The following ZFP30 variants were observed in gnomAD, a reference collection of about 807,000 sequenced individuals.
ZFP30 encodes the protein ZFP30 zinc finger protein.
In ZFP30, 16 loss-of-function variants were observed where a neutral mutation model predicts 12.3. The ratio of observed to expected loss-of-function variants is 1.30; its 90% confidence interval spans 0.88 to 1.98. ZFP30 has a LOEUF of 1.98. ZFP30 is among the 30% of genes most tolerant of loss of function. ZFP30 has a pLI of 0.00. For synonymous variants in ZFP30, 172 were observed against 201.0 expected (o/e 0.86, Z 1.22); for missense variants, 560 against 611.2 (o/e 0.92, Z 0.88).
Position 37,635,832 on chromosome 19 carries a change from T to C in ZFP30, c.709A>G (p.Ile237Val), listed in dbSNP as rs2044312737. The C allele has an allele frequency of 6.2e-7, 1 of 1,614,216 alleles. No homozygotes were observed. Among genetic ancestry groups the C allele is most frequent in the Non-Finnish European group, 8.5e-7 (1 of 1,180,044 alleles). Reference protein sequence around the residue: ...SDLRVHQRIHIGEKPYECKEC... With the variant: ...SDLRVHQRIHVGEKPYECKEC... ...TTACATTCATACGGCTTCTCACCAA[T>C]ATGAATTCTCTGATGTACTCGAAGG... Residue 237 changes from isoleucine to valine, a missense_variant, in exon 6 of 6, where the codon ATT becomes GTT. By Grantham distance (29) the Ile-to-Val change is conservative (BLOSUM62 3). Transcript: ENST00000684514.
chr19:37,637,614 C>A (rs2044356419), intron 5 of ZFP30, among the ~76,000 whole-genome samples: 1 of 152,078 alleles, frequency 6.6e-6, no homozygotes, highest in African/African-American at 2.4e-5. Flanking sequence ...CTCAGCCTCC[C>A]AAGTAACTGG....
chr19:37,643,052 CAAAAAAAAAAAAA>C (rs951396776), intron 5 of ZFP30, among the ~76,000 whole-genome samples, 200 bp downstream of exon 5: 3 of 61,440 alleles, frequency 4.9e-5, no homozygotes, highest in African/African-American at 2.0e-4. Flanking sequence ...GACTCCGTCT[CAAAAAAAAAAAAA>C]AAAAAAGAAA....
At chr19:37,655,992 C>T (rs1214091362), upstream of ZFP30, 18 of 152,464 alleles carry the variant, frequency 1.2e-4, no homozygotes, top group Admixed American at 1.2e-3. Context: ...GTGTTCAAAT[C>T]TAGGCCTGTA....
chr19:37,637,158 T>A (rs942415829), intron 5 of ZFP30, among the ~76,000 whole-genome samples: 4 of 152,072 alleles, frequency 2.6e-5, no homozygotes, highest in African/African-American at 9.6e-5. Flanking sequence ...GTAATATATA[T>A]CCTTTGTTTT....
intron 5 of ZFP30, among the ~76,000 whole-genome samples, chr19:37,641,497 A>C (rs1336433028): frequency 6.6e-6 from 1 of 152,210 alleles, no homozygotes; most frequent in Non-Finnish European, 1.5e-5. Flanking sequence ...ACAGAACGGC[A>C]TAATAATATC....
intron 2 of ZFP30, among the ~76,000 whole-genome samples, 194 bp downstream of exon 2, chr19:37,654,518 C>A (rs562762803): frequency 6.6e-6 from 1 of 152,120 alleles, no homozygotes. Flanking sequence ...GTTAACTAAC[C>A]ATGTGTCTAA....
intron 2 of ZFP30, among the ~76,000 whole-genome samples, chr19:37,651,047 AT>A (rs2044640267): frequency 6.6e-6 from 1 of 151,934 alleles, no homozygotes; most frequent in Admixed American, 6.6e-5. Context: ...CAGCCTCAAT[AT>A]GGTTTTATTC....
chr19:37,647,721 C>G (rs2044570563), intron 3 of ZFP30, 93 bp downstream of exon 3: 14 of 1,509,542 alleles, frequency 9.3e-6, no homozygotes, highest in Non-Finnish European at 1.3e-5. Context: ...TTGAATGGGG[C>G]TCTGTTAGAA....
chr19:37,637,653 C>T lies in ZFP30; in HGVS notation c.236-1348G>A, dbSNP rs549723671. Among the ~76,000 whole-genome samples, 7 of 152,132 alleles carry T rather than the reference C, an allele frequency of 4.6e-5. No homozygotes were observed. The South Asian group carries it at 6.2e-4, about 14-fold the overall frequency. On this transcript the variant is annotated intron_variant, in intron 5 of 5. Transcript: ENST00000684514. ...TACAAGTGCCCGCCACCACACCTGGCTAATTTTTGTATTTTTAGTAGAGAC... is the reference window on the plus strand; with the variant it reads ...TACAAGTGCCCGCCACCACACCTGGTTAATTTTTGTATTTTTAGTAGAGAC...
At chr19:37,640,307 A>G (rs2044409077) in intron 5 of ZFP30, among the ~76,000 whole-genome samples, 1 of 152,040 alleles carries the variant, frequency 6.6e-6, no homozygotes, top group Non-Finnish European at 1.5e-5. Context: ...TGGGCCAAAC[A>G]TCAAAAGATT....
At position 37,635,388 on chromosome 19, in the gene ZFP30, T is replaced by C; in HGVS notation, c.1153A>G (p.Lys385Glu). The part of the protein sequence containing the change: ...IHTGEKPYEC[K>E]ECQKFFRRYS... ...CGACGAAAGAACTTCTGACATTCCT[T>C]ACATTCATAGGGCTTTTCACCAGTA... Residue 385 changes from lysine (K) to glutamate (E), a missense_variant, in exon 6 of 6, where the codon AAG (lysine) becomes GAG (glutamate). By Grantham distance (56) the Lys-to-Glu change is moderately conservative (BLOSUM62 1). Transcript: ENST00000684514. 2.5e-6 allele frequency: 4 copies of C among 1,614,128 alleles called. No individual in the cohort carries two copies. The highest frequency in any genetic ancestry group is 3.4e-6 in the Non-Finnish European group (4 of 1,180,028).
intron 3 of ZFP30, among the ~76,000 whole-genome samples, chr19:37,647,201 G>T (rs2044560204): frequency 6.6e-6 from 1 of 152,116 alleles, no homozygotes; most frequent in African/African-American, 2.4e-5. Context: ...CCCCATCTCT[G>T]CTCTAGACAG....
intron 2 of ZFP30, among the ~76,000 whole-genome samples, chr19:37,648,854 C>A (rs977695924): frequency 1.3e-5 from 2 of 152,088 alleles, no homozygotes; most frequent in Non-Finnish European, 2.9e-5. Flanking sequence ...ATCAATATTG[C>A]CTGCATGATC....
In ZFP30 at chr19:37,632,284, GTATAAA is replaced by G. The variant is rs757265587; in HGVS notation, c.*2691_*2696del. On this transcript the variant is annotated 3_prime_UTR_variant, in exon 6 of 6. Coordinates refer to ENST00000684514, the MANE Select transcript of ZFP30 (RefSeq NM_001320669.3). Reference sequence around the variant, plus strand: ...ATTTTAAAATACATGTATAGTGTGTGTATAAATATAAATATATATACCTACACACTA... The same window carrying G: ...ATTTTAAAATACATGTATAGTGTGTGTATAAATATATATACCTACACACTA... 336 of 151,918 alleles carry G rather than the reference GTATAAA, an allele frequency of 2.2e-3. No individual in the cohort carries two copies. The highest frequency in any genetic ancestry group is 7.3e-3 in the African/African-American group (302 of 41,462). 9.4% of individuals were successfully genotyped at this position (151,918 alleles called of 1,614,324 possible).
chr19:37,649,883 T>C (rs112029074), intron 2 of ZFP30, among the ~76,000 whole-genome samples: 165 of 151,864 alleles, frequency 1.1e-3, no homozygotes, highest in African/African-American at 3.9e-3. Flanking sequence ...AAAATGAAGA[T>C]AAAATTCATA....
At chr19:37,647,078 T>A (rs1036521307) in intron 3 of ZFP30, among the ~76,000 whole-genome samples, 2 of 152,204 alleles carry the variant, frequency 1.3e-5, no homozygotes, top group Non-Finnish European at 2.9e-5. Context: ...AAAATTTGAC[T>A]ACTAGAAAAT....
chr19:37,650,382 G>C (rs1397590706), intron 2 of ZFP30, among the ~76,000 whole-genome samples: 2 of 152,148 alleles, frequency 1.3e-5, no homozygotes, highest in Non-Finnish European at 2.9e-5. Context: ...TGGGATTACA[G>C]GCTTGAGCCA....
chr19:37,647,513 G>A (rs1168783768), intron 3 of ZFP30, among the ~76,000 whole-genome samples: 2 of 152,130 alleles, frequency 1.3e-5, no homozygotes, highest in Non-Finnish European at 2.9e-5. Context: ...CTTCCACCAT[G>A]ATTGTAAGGT....
chr19:37,635,672 C>G lies in ZFP30; in HGVS notation c.869G>C (p.Arg290Thr). Residue 290 changes from arginine (R) to threonine (T), a missense_variant, in exon 6 of 6, where the codon AGA (arginine) becomes ACA (threonine). Arg to Thr is a moderately conservative substitution (Grantham distance 71). Coordinates refer to ENST00000684514, the MANE Select transcript of ZFP30 (RefSeq NM_001320669.3). ...RQYAHLTRHQ[R>T]LNIAEKCYEC... ...ATAGCACTTCTCAGCAATGTTCAGT[C>G]TCTGATGTCGAGTAAGGTGTGCATA... The G allele has an allele frequency of 6.2e-7, 1 of 1,614,192 alleles. No individual in the cohort carries two copies. The highest frequency in any genetic ancestry group is 8.5e-7 in the Non-Finnish European group (1 of 1,180,038).
Sources: allele counts gnomAD v4.1 joint callset (sites outside exome capture counted in the v4.1 genomes callset), GRCh38; gene constraint gnomAD v4.1.1; transcripts MANE v1.5; gene names NCBI Gene and HGNC (gene_info 2026-07-23, HGNC 2026-07-21).